The following ELMO1 variants were observed in gnomAD, a reference collection of about 807,000 sequenced individuals.
ELMO1 encodes engulfment and cell motility 1.
In ELMO1, 26 loss-of-function variants were observed where a neutral mutation model predicts 98.9. The ratio of observed to expected loss-of-function variants is 0.26; its 90% CI spans 0.19 to 0.36. The LOEUF is 0.36. ELMO1 is among the 10% of genes least tolerant of loss of function. The pLI is 1.00. For missense variants in ELMO1, 627 were observed against 935.2 expected (o/e 0.67, Z 4.30); for synonymous variants, 346 against 346.0 (o/e 1.00, Z 0.00).
At chr7:37,161,221 G>C (rs1302854439) in intron 13 of ELMO1, among the ~76,000 whole-genome samples, 1 of 151,924 alleles carries the variant, frequency 6.6e-6, no homozygotes, top group African/African-American at 2.4e-5. Flanking sequence ...ACCATGCCTG[G>C]CTCCCCTCAA....
chr7:36,936,090 G>T (rs1210204514), intron 16 of ELMO1, among the ~76,000 whole-genome samples: 1 of 152,154 alleles, frequency 6.6e-6, no homozygotes, highest in Non-Finnish European at 1.5e-5. Context: ...TCCAGAGGTA[G>T]CCCTGATTGG....
At chr7:37,406,591 G>T (rs1251701063) in intron 1 of ELMO1, among the ~76,000 whole-genome samples, 2 of 151,778 alleles carry the variant, frequency 1.3e-5, no homozygotes, top group Non-Finnish European at 2.9e-5. Context: ...CATCACGCCC[G>T]GATAATTTTT....
intron 1 of ELMO1, among the ~76,000 whole-genome samples, chr7:37,433,975 G>A (rs1379977815): frequency 6.6e-6 from 1 of 152,020 alleles, no homozygotes; most frequent in Non-Finnish European, 1.5e-5. Context: ...TTTATTAAAC[G>A]GTGACAAAGA....
chr7:36,881,374 C>G (rs1190608659), intron 18 of ELMO1, among the ~76,000 whole-genome samples: 1 of 152,172 alleles, frequency 6.6e-6, no homozygotes, highest in African/African-American at 2.4e-5. Flanking sequence ...TTTGCAGTTT[C>G]TTTTACGGCA....
intron 16 of ELMO1, among the ~76,000 whole-genome samples, chr7:36,974,708 C>G: frequency 6.6e-6 from 1 of 152,158 alleles, no homozygotes; most frequent in East Asian, 1.9e-4. Context: ...GCTCGGGTCC[C>G]CTTCCACACT....
At chr7:37,329,347 G>A (rs1479066113) in intron 2 of ELMO1, among the ~76,000 whole-genome samples, 1 of 152,158 alleles carries the variant, frequency 6.6e-6, no homozygotes. Flanking sequence ...ATTGTGGAAT[G>A]ATCAAATCAG....
intron 15 of ELMO1, among the ~76,000 whole-genome samples, chr7:37,014,032 G>A (rs905764008): frequency 6.6e-6 from 1 of 152,112 alleles, no homozygotes; most frequent in Non-Finnish European, 1.5e-5. Flanking sequence ...AAAGCAACCT[G>A]AATAGCTTTG....
intron 15 of ELMO1, among the ~76,000 whole-genome samples, chr7:37,018,421 T>G (rs1048170483): frequency 6.6e-6 from 1 of 151,730 alleles, no homozygotes; most frequent in Non-Finnish European, 1.5e-5. Flanking sequence ...ACACTGTGCC[T>G]GGCCTACTTA....
intron 1 of ELMO1, among the ~76,000 whole-genome samples, chr7:37,410,881 T>C (rs954794247): frequency 2.6e-5 from 4 of 152,210 alleles, no homozygotes; most frequent in Admixed American, 2.6e-4. Context: ...ATGAGCTATA[T>C]GCTGTGACAC....
At chr7:37,153,284 T>C (rs1025639626) in intron 13 of ELMO1, among the ~76,000 whole-genome samples, 7 of 152,098 alleles carry the variant, frequency 4.6e-5, no homozygotes, top group African/African-American at 1.2e-4. Context: ...CTGGGACTGG[T>C]TGAATAGTGG....
chr7:37,258,955 T>G (rs1226934137), intron 6 of ELMO1, among the ~76,000 whole-genome samples: 1 of 151,762 alleles, frequency 6.6e-6, no homozygotes, highest in African/African-American at 2.4e-5. Flanking sequence ...TAGCACTTGA[T>G]GGATTTCTAT....
intron 13 of ELMO1, among the ~76,000 whole-genome samples, chr7:37,193,757 G>A (rs533181559): frequency 3.9e-5 from 6 of 152,202 alleles, no homozygotes; most frequent in South Asian, 2.1e-4. Context: ...CCTGCGTGGC[G>A]GGCCATCCTC....
chr7:37,365,507 T>C (rs77329151), intron 1 of ELMO1, among the ~76,000 whole-genome samples: 12,260 of 152,198 alleles, frequency 0.081, 619 homozygotes, highest in Middle Eastern at 0.12. Context: ...AGAGAAGCCT[T>C]CTTCTACCCA....
At chr7:37,113,372 C>G (rs1584663674) in intron 14 of ELMO1, among the ~76,000 whole-genome samples, 1 of 152,086 alleles carries the variant, frequency 6.6e-6, no homozygotes, top group South Asian at 2.1e-4. Flanking sequence ...TAAGGGTGAA[C>G]AGGAAATAAA....
chr7:37,326,435 A>G (rs895523674), intron 2 of ELMO1, among the ~76,000 whole-genome samples: 1 of 151,828 alleles, frequency 6.6e-6, no homozygotes, highest in Non-Finnish European at 1.5e-5. Flanking sequence ...TGCGCCTGTA[A>G]TCCCAGCTAC....
chr7:37,063,691 T>C (rs1006635608), intron 15 of ELMO1, among the ~76,000 whole-genome samples: 9 of 152,160 alleles, frequency 5.9e-5, no homozygotes, highest in African/African-American at 2.2e-4. Flanking sequence ...TCATCTCCAA[T>C]GACCCTTCAC....
intron 7 of ELMO1, 61 bp from the exon 8 acceptor site, chr7:37,233,255 C>A: frequency 6.9e-7 from 1 of 1,455,308 alleles, no homozygotes; most frequent in South Asian, 1.2e-5. Context: ...GACACAGAAG[C>A]AAGAAAGTTC....
chr7:37,240,872 C>A (rs554299255), intron 7 of ELMO1, among the ~76,000 whole-genome samples: 6 of 152,160 alleles, frequency 3.9e-5, no homozygotes, highest in South Asian at 2.1e-4. Flanking sequence ...AATTCTTGAG[C>A]CTTACTATGG....
At position 37,233,129 on chromosome 7, in the gene ELMO1, G is replaced by A; in HGVS notation, c.515C>T (p.Ser172Phe). 6.2e-7 allele frequency: 1 copy of A among 1,613,700 alleles called. No individual in the cohort carries two copies. Among genetic ancestry groups the A allele is most frequent in the South Asian group, 1.1e-5 (1 of 91,046 alleles). Reference sequence around the variant, plus strand: ...GAACGCCACCGAAAATGTATCCCAGGACACTATGCCATGGTCCATCAGCTC... The same window carrying A: ...GAACGCCACCGAAAATGTATCCCAGAACACTATGCCATGGTCCATCAGCTC... ...FVELMDHGIV[S>F]WDTFSVAFIK... Residue 172 changes from serine to phenylalanine, a missense_variant, in exon 8 of 22, where the codon TCC becomes TTC. By Grantham distance (155) the Ser-to-Phe change is radical. This residue lies in a region of ELMO1 where 492 missense variants were observed against 715.6 expected (regional missense o/e 0.69). Coordinates refer to ENST00000310758, the MANE Select transcript of ELMO1 (RefSeq NM_014800.11).
Sources: allele counts gnomAD v4.1 joint callset (sites outside exome capture counted in the v4.1 genomes callset), GRCh38; gene constraint gnomAD v4.1.1; regional missense constraint gnomAD v4.1.1; transcripts MANE v1.5; gene names NCBI Gene and HGNC (gene_info 2026-07-23, HGNC 2026-07-21).